The following CCND3 variants were observed in gnomAD, a reference collection of about 807,000 sequenced individuals.
The protein encoded by CCND3 is cyclin D3.
CCND3 carries 9 observed loss-of-function variants against 28.7 expected under a neutral mutation model. The ratio of observed to expected loss-of-function variants is 0.31; its 90% confidence interval spans 0.19 to 0.55. The LOEUF (loss-of-function observed/expected upper bound fraction) is 0.55, where lower values mean the gene tolerates loss of function less well. CCND3 is among the 20% of genes least tolerant of loss of function. The pLI is 0.93. For missense variants in CCND3, 315 were observed against 385.8 expected (o/e 0.82, Z 1.54); for synonymous variants, 164 against 163.9 (o/e 1.00, Z 0.00).
intron 1 of CCND3, among the ~76,000 whole-genome samples, chr6:42,029,402 G>A (rs909796739): frequency 2.7e-4 from 41 of 152,108 alleles, no homozygotes; most frequent in Non-Finnish European, 4.1e-4. Flanking sequence ...TATAGAAGGG[G>A]ACACCTGTCC....
chr6:42,046,819 C>T (rs1383540372), intron 1 of CCND3, among the ~76,000 whole-genome samples: 1 of 152,220 alleles, frequency 6.6e-6, no homozygotes, highest in Admixed American at 6.5e-5. Flanking sequence ...CTTTAGGAAA[C>T]TCCTAAGTTC....
At chr6:41,988,150 T>C (rs1762541676) in intron 1 of CCND3, among the ~76,000 whole-genome samples, 1 of 151,742 alleles carries the variant, frequency 6.6e-6, no homozygotes, top group Non-Finnish European at 1.5e-5. Context: ...ACCCTGTCTC[T>C]ACTAAAATAG....
intron 1 of CCND3, among the ~76,000 whole-genome samples, chr6:41,994,283 G>T (rs1450165365): frequency 6.6e-6 from 1 of 151,968 alleles, no homozygotes; most frequent in Non-Finnish European, 1.5e-5. Context: ...AGGGGTGTAG[G>T]AGGCTATTCC....
At chr6:41,949,114 T>C (rs1217306122) in intron 1 of CCND3, among the ~76,000 whole-genome samples, 1 of 152,096 alleles carries the variant, frequency 6.6e-6, no homozygotes, top group Non-Finnish European at 1.5e-5. Flanking sequence ...TTTGAGAGGC[T>C]AAGTTGGGAG....
intron 1 of CCND3, among the ~76,000 whole-genome samples, chr6:42,037,948 T>C (rs1012021668): frequency 1.3e-5 from 2 of 151,246 alleles, no homozygotes; most frequent in South Asian, 2.1e-4. Context: ...CGAGAATCGC[T>C]TGAACCCGGG....
At chr6:42,041,411 G>A (rs1363233218) in intron 1 of CCND3, among the ~76,000 whole-genome samples, 1 of 152,198 alleles carries the variant, frequency 6.6e-6, no homozygotes, top group Non-Finnish European at 1.5e-5. Context: ...AAAGAAGGAA[G>A]AGAAGGCCTG....
chr6:42,044,956 CGTTTTT>C (rs1376988829), intron 1 of CCND3, among the ~76,000 whole-genome samples: 2 of 123,952 alleles, frequency 1.6e-5, no homozygotes, highest in African/African-American at 6.2e-5. Flanking sequence ...GCCCGGCTAA[CGTTTTT>C]TTTTTTTTTT....
Position 41,936,760 on chromosome 6 carries a change from T to TCC in CCND3, c.575-67_575-66dup. On this transcript the variant is annotated intron_variant, in intron 3 of 4. Coordinates refer to ENST00000372991, the MANE Select transcript of CCND3 (RefSeq NM_001760.5). This position sits in a 1 kb window ranked among gnomAD's most constrained non-coding sequence, Gnocchi z 4.4. ...TGAAGGATAACGGCCAGCATGGACT[T>TCC]CCGACTCCTTGGAAAGTGCCAGGCA... The TCC allele has an allele frequency of 5.2e-6, 8 of 1,551,910 alleles. No individual in the cohort carries two copies. The highest frequency in any genetic ancestry group is 7.0e-6 in the Non-Finnish European group (8 of 1,138,166).
At chr6:41,942,387 G>A (rs1656212957), upstream of CCND3, among the ~76,000 whole-genome samples, 1 of 152,130 alleles carries the variant, frequency 6.6e-6, no homozygotes, top group Non-Finnish European at 1.5e-5. Flanking sequence ...CGTGGTCATC[G>A]CCTGGGAGCT....
rs551086665 is a variant in CCND3 at position 42,019,444 on chromosome 6, G to A, written c.-46+29057C>T. Among the ~76,000 whole-genome samples the A allele has an allele frequency of 1.4e-3, 185 of 133,756 alleles. 1 individual carries two copies. The highest frequency in any genetic ancestry group is 6.9e-3 in the South Asian group (30 of 4,318). The allele number at this position is 133,756 out of a possible 152,430, so 87.7% of individuals were successfully genotyped here. On this transcript the variant is annotated intron_variant, in intron 1 of 4. Coordinates refer to the CCND3 transcript ENST00000372988. ...ATGGAGGTTGCAGTGAGCTGAGATC[G>A]CACCACTGCACTCCAGCCTGGGTGA...
At chr6:41,997,009 G>A (rs992443926) in intron 1 of CCND3, among the ~76,000 whole-genome samples, 4 of 152,182 alleles carry the variant, frequency 2.6e-5, no homozygotes, top group Middle Eastern at 3.4e-3. Context: ...CCAGCAACTA[G>A]GCCTGCACCT....
chr6:41,964,213 T>G (rs1761791263), intron 1 of CCND3, among the ~76,000 whole-genome samples: 1 of 152,176 alleles, frequency 6.6e-6, no homozygotes, highest in African/African-American at 2.4e-5. Flanking sequence ...ATTGGGGGGT[T>G]AAGGGTTTCC....
chr6:41,990,728 C>T (rs1036777224), intron 1 of CCND3, among the ~76,000 whole-genome samples: 5 of 124,588 alleles, frequency 4.0e-5, no homozygotes, highest in African/African-American at 1.6e-4. Flanking sequence ...GGCTGGAGTG[C>T]AGTGGCAAAG....
intron 1 of CCND3, among the ~76,000 whole-genome samples, chr6:42,032,563 CCCG>C (rs1209130664): frequency 6.6e-6 from 1 of 152,256 alleles, no homozygotes; most frequent in Non-Finnish European, 1.5e-5. Flanking sequence ...CACGGGCACG[CCCG>C]CCTAGACTGC....
At chr6:41,989,587 CAT>C (rs1325036177) in intron 1 of CCND3, among the ~76,000 whole-genome samples, 1 of 151,420 alleles carries the variant, frequency 6.6e-6, no homozygotes, top group Non-Finnish European at 1.5e-5. Flanking sequence ...TGTTCTAAAT[CAT>C]ATGTCATTAG....
Position 41,937,303 on chromosome 6 carries a change from G to A in CCND3, c.506C>T (p.Ser169Phe), listed in dbSNP as rs368245852. Reference sequence around the variant, plus strand: ...CAAGGCCTGTCGGTCACGGGGCAGAGAGAGCCGGTGCAGAATGAAGGCCAG... The same window carrying A: ...CAAGGCCTGTCGGTCACGGGGCAGAAAGAGCCGGTGCAGAATGAAGGCCAG... Reference protein sequence around the residue: ...DFLAFILHRLSLPRDRQALVK... With the variant: ...DFLAFILHRLFLPRDRQALVK... The change falls in exon 3 of 5, where the codon TCT (serine) becomes TTT (phenylalanine). Residue 169 changes from serine (S) to phenylalanine (F), a missense_variant. Ser to Phe is a radical substitution (Grantham distance 155, BLOSUM62 -2). Coordinates refer to ENST00000372991, the MANE Select transcript of CCND3 (RefSeq NM_001760.5). 7.2e-5 allele frequency: 117 copies of A among 1,614,084 alleles called. No homozygotes were observed. Among genetic ancestry groups the A allele is most frequent in the East Asian group, 5.8e-4 (26 of 44,894 alleles).
At chr6:41,995,557 A>G (rs148744171) in intron 1 of CCND3, among the ~76,000 whole-genome samples, 2 of 152,264 alleles carry the variant, frequency 1.3e-5, no homozygotes, top group East Asian at 1.9e-4. Context: ...CACATGCCCA[A>G]AGTATTTCTA....
intron 1 of CCND3, among the ~76,000 whole-genome samples, chr6:42,022,786 G>A (rs952543482): frequency 1.3e-5 from 2 of 152,182 alleles, no homozygotes; most frequent in African/African-American, 2.4e-5. Flanking sequence ...GCAGGGCAGG[G>A]CTTCCTCACC....
At chr6:42,049,850 A>T (rs772011841), upstream of CCND3, 1 of 152,220 alleles carries the variant, frequency 6.6e-6, no homozygotes, top group African/African-American at 2.4e-5. Flanking sequence ...TTAATGAGAA[A>T]GATTCCCAAG....
Sources: allele counts gnomAD v4.1 joint callset (sites outside exome capture counted in the v4.1 genomes callset), GRCh38; gene constraint gnomAD v4.1.1; non-coding constraint Gnocchi (gnomAD v3.1); transcripts MANE v1.5; gene names NCBI Gene and HGNC (gene_info 2026-07-23, HGNC 2026-07-21).